The following LRP1B variants were observed in gnomAD, a reference collection of about 807,000 sequenced individuals.
LRP1B encodes LDL receptor related protein 1B, also known as low-density lipoprotein receptor-related protein 1B.
LRP1B carries 217 observed loss-of-function variants against 556.6 expected under a neutral mutation model. The ratio of observed to expected loss-of-function variants is 0.39; its 90% CI spans 0.35 to 0.44. LRP1B has a LOEUF of 0.44. LRP1B is among the 20% of genes least tolerant of loss of function. LRP1B has a pLI of 1.00. For synonymous variants in LRP1B, 2,047 were observed against 1,865.8 expected (o/e 1.10, Z -2.50); for missense variants, 5,053 against 5,620.8 (o/e 0.90, Z 3.23).
chr2:141,096,627 GGGGAGAGAGAGAGA>G lies in LRP1B; in HGVS notation c.1014-34368_1014-34355del, dbSNP rs1451567983. ...GCCTGAATGACAAAGACGGGGAGAG[GGGGAGAGAGAGAGA>G]GAGAGAGAGAGAGAGAGAGAGAGAG... On this transcript the variant is annotated intron_variant, in intron 7 of 90. Coordinates refer to ENST00000389484, the MANE Select transcript of LRP1B (RefSeq NM_018557.3). Among the ~76,000 whole-genome samples the G allele has an allele frequency of 3.5e-3, 177 of 50,540 alleles. 7 individuals are homozygous for G. Among genetic ancestry groups the G allele is most frequent in the African/African-American group, 5.6e-3 (73 of 13,026 alleles). The allele number at this position is 50,540 out of a possible 152,430, so 33.2% of individuals were successfully genotyped here. A position where few individuals can be genotyped will look rare whatever the true frequency, so the allele number is the denominator to read the frequency against.
intron 67 of LRP1B, among the ~76,000 whole-genome samples, chr2:140,383,184 A>T (rs1683607408): frequency 6.6e-6 from 1 of 152,290 alleles, no homozygotes; most frequent in African/African-American, 2.4e-5. Context: ...ACTTAATAAT[A>T]GCTAACAATA....
intron 41 of LRP1B, among the ~76,000 whole-genome samples, chr2:140,660,576 T>C (rs1017753672): frequency 2.6e-5 from 4 of 152,152 alleles, no homozygotes; most frequent in Admixed American, 2.6e-4. Context: ...CTCTCTGATC[T>C]GGACCAGGAC....
chr2:141,221,318 A>G, intron 6 of LRP1B, among the ~76,000 whole-genome samples: 1 of 151,442 alleles, frequency 6.6e-6, no homozygotes, highest in Non-Finnish European at 1.5e-5. Context: ...ACCAAAGGGC[A>G]TTACATAATG....
At chr2:141,077,432 C>T (rs992991237) in intron 7 of LRP1B, among the ~76,000 whole-genome samples, 2 of 152,090 alleles carry the variant, frequency 1.3e-5, no homozygotes, top group Non-Finnish European at 2.9e-5. Context: ...GTTTGCTGCT[C>T]AGTCTTCATG....
At chr2:141,506,537 A>G (rs1043230776) in intron 2 of LRP1B, among the ~76,000 whole-genome samples, 1 of 152,120 alleles carries the variant, frequency 6.6e-6, no homozygotes, top group Non-Finnish European at 1.5e-5. Context: ...GAAAGTGTCT[A>G]CTAGCATTAT....
At chr2:140,615,239 G>A (rs552341149) in intron 41 of LRP1B, among the ~76,000 whole-genome samples, 2 of 152,036 alleles carry the variant, frequency 1.3e-5, no homozygotes, top group South Asian at 4.1e-4. Context: ...AACTAGTCTT[G>A]CAATCTCACC....
intron 1 of LRP1B, among the ~76,000 whole-genome samples, chr2:141,884,730 G>A (rs138939560): frequency 6.6e-6 from 1 of 152,180 alleles, no homozygotes; most frequent in Non-Finnish European, 1.5e-5. Flanking sequence ...TGAATGGGCC[G>A]ATGTGGATAG....
intron 2 of LRP1B, among the ~76,000 whole-genome samples, chr2:141,761,020 G>A (rs1694525338): frequency 6.6e-6 from 1 of 152,080 alleles, no homozygotes; most frequent in Admixed American, 6.6e-5. Flanking sequence ...TATTTACGGA[G>A]TATGGGGTTG....
intron 9 of LRP1B, among the ~76,000 whole-genome samples, chr2:141,057,203 A>G (rs1699199898): frequency 6.6e-6 from 1 of 151,834 alleles, no homozygotes; most frequent in Admixed American, 6.6e-5. Context: ...TTTCTGTTTA[A>G]TGCTTTCTAA....
At chr2:141,346,546 G>T (rs1365394866) in intron 3 of LRP1B, among the ~76,000 whole-genome samples, 1 of 152,082 alleles carries the variant, frequency 6.6e-6, no homozygotes, top group Non-Finnish European at 1.5e-5. Context: ...CAGGATTCAG[G>T]TGTCTTACTC....
chr2:140,418,210 T>G (rs2105260717), intron 66 of LRP1B, among the ~76,000 whole-genome samples: 1 of 152,312 alleles, frequency 6.6e-6, no homozygotes, highest in African/African-American at 2.4e-5. Context: ...AACATTGTGA[T>G]TTTTGATATG....
At position 141,517,029 on chromosome 2, in the gene LRP1B, A is replaced by AAAAAAAAAAAAACAAAAAAAC. The variant is rs772472942; in HGVS notation, c.206-36497_206-36496insGTTTTTTTGTTTTTTTTTTTT. ...TAAAAAAAAAAAAAAAAAAAAAAAA[A>AAAAAAAAAAAAACAAAAAAAC]AAAGTAAATCAATGAAATAATTTAA... On this transcript the variant is annotated intron_variant, in intron 2 of 90. Transcript: ENST00000389484. 5.7e-4 allele frequency among the ~76,000 whole-genome samples: 51 copies of AAAAAAAAAAAAACAAAAAAAC among 90,168 alleles called. 6 individuals carry two copies. The highest frequency in any genetic ancestry group is 2.0e-3 in the East Asian group (5 of 2,472). 59.2% of individuals were successfully genotyped at this position (90,168 alleles called of 152,430 possible).
At chr2:141,248,663 TA>T (rs1684155103) in intron 4 of LRP1B, among the ~76,000 whole-genome samples, 1 of 152,156 alleles carries the variant, frequency 6.6e-6, no homozygotes. Flanking sequence ...GGGAGCCAGA[TA>T]ATGAAGATAT....
chr2:140,645,128 G>A (rs967479043), intron 41 of LRP1B, among the ~76,000 whole-genome samples: 7 of 151,608 alleles, frequency 4.6e-5, no homozygotes, highest in African/African-American at 1.2e-4. Flanking sequence ...GCCTTTTTTC[G>A]GTCTAATTTG....
At chr2:140,692,665 T>C (rs921709377) in intron 41 of LRP1B, among the ~76,000 whole-genome samples, 3 of 152,272 alleles carry the variant, frequency 2.0e-5, no homozygotes, top group African/African-American at 7.2e-5. Flanking sequence ...TCTTCATCTC[T>C]GTAATGGTAT....
chr2:141,967,523 C>G (rs1181131813), intron 1 of LRP1B, among the ~76,000 whole-genome samples: 2 of 151,788 alleles, frequency 1.3e-5, no homozygotes, highest in Non-Finnish European at 2.9e-5. Flanking sequence ...TCCTTTCAAT[C>G]TTTTCAAATG....
At chr2:141,635,198 A>C (rs1257313947) in intron 2 of LRP1B, among the ~76,000 whole-genome samples, 1 of 152,136 alleles carries the variant, frequency 6.6e-6, no homozygotes, top group Non-Finnish European at 1.5e-5. Context: ...AGTGAAAGAC[A>C]GTTTTCCCCA....
At chr2:140,684,046 C>T (rs1206011456) in intron 41 of LRP1B, among the ~76,000 whole-genome samples, 1 of 152,158 alleles carries the variant, frequency 6.6e-6, no homozygotes, top group African/African-American at 2.4e-5. Context: ...AATTTTCTCC[C>T]TTTCATTCTG....
At chr2:140,289,572 C>G (rs76251061) in intron 84 of LRP1B, among the ~76,000 whole-genome samples, 1 of 150,946 alleles carries the variant, frequency 6.6e-6, no homozygotes, top group African/African-American at 2.4e-5. Flanking sequence ...TAAGCACGTA[C>G]GCCTAAAATT....
Sources: gnomAD v4.1 joint callset for allele counts (sites outside exome capture counted in the v4.1 genomes callset) on GRCh38, gnomAD v4.1.1 for gene constraint, MANE v1.5 for transcripts, NCBI Gene and HGNC (gene_info 2026-07-23, HGNC 2026-07-21) for gene names.